Variants in APH1B observed in about 807,000 individuals in gnomAD.
The protein encoded by APH1B is gamma-secretase subunit APH-1B.
APH1B carries 27 observed loss-of-function variants against 28.2 expected under a neutral mutation model. That is an observed-to-expected ratio of 0.96 (90% CI 0.70 to 1.32). The LOEUF (loss-of-function observed/expected upper bound fraction) is 1.32, where lower values mean the gene tolerates loss of function less well. Ranked by LOEUF, APH1B falls within the 40% of genes most tolerant of loss-of-function variation. The pLI, the probability that APH1B is intolerant of heterozygous loss-of-function variation, is 0.00. For synonymous variants in APH1B, 141 were observed against 124.6 expected, an observed-to-expected ratio of 1.13 and a Z score of -0.88; for missense variants, 305 against 313.6, an observed-to-expected ratio of 0.97 and a Z score of 0.21.
intron 4 of APH1B, among the ~76,000 whole-genome samples, chr15:63,299,768 C>T (rs2038605233): frequency 6.6e-6 from 1 of 151,908 alleles, no homozygotes; most frequent in South Asian, 2.1e-4. Context: ...TCTCAGTGTC[C>T]CTGGTAAACA....
Position 63,304,862 on chromosome 15 carries a change from A to G in APH1B, c.607-752A>G, listed in dbSNP as rs899517132. 8.5e-5 allele frequency among the ~76,000 whole-genome samples: 13 copies of G among 152,244 alleles called. No individual in the cohort carries two copies. The highest frequency in any genetic ancestry group is 1.4e-4 in the African/African-American group (6 of 41,474). On this transcript the variant is annotated intron_variant, in intron 5 of 5. Transcript: ENST00000261879. The surrounding 1 kb of genome is among the most constrained non-coding windows in gnomAD (Gnocchi z 5.1). ...ATTATTGTGAAGAATAATCTAGAAA[A>G]TGCTCAATGCCTGCCATGCCCACGG...
chr15:63,280,270 C>T (rs1221961715), intron 2 of APH1B, among the ~76,000 whole-genome samples: 1 of 152,166 alleles, frequency 6.6e-6, no homozygotes, highest in Non-Finnish European at 1.5e-5. Context: ...TTCTCTAGGA[C>T]TCACGAGGAC....
At chr15:63,278,692 A>T (rs181221944) in intron 1 of APH1B, among the ~76,000 whole-genome samples, 37 of 152,342 alleles carry the variant, frequency 2.4e-4, no homozygotes, top group Non-Finnish European at 5.3e-4. Flanking sequence ...AGAGATGTAG[A>T]TATTTTTCTG....
intron 2 of APH1B, among the ~76,000 whole-genome samples, chr15:63,284,670 T>C (rs999880031): frequency 2.0e-5 from 3 of 152,226 alleles, no homozygotes; most frequent in Non-Finnish European, 2.9e-5. Context: ...TACCATCATA[T>C]GTGCAGTCCA....
In APH1B at chr15:63,279,226, T is replaced by C. The variant is rs765291902; in HGVS notation, c.179T>C (p.Ile60Thr). The stretch of plus-strand genomic sequence containing the variant: ...GTTTGGTTCATGGCAAGAGTCATTA[T>C]TGACAACAAAGATGGACCAACACAG... ...SLVWFMARVI[I>T]DNKDGPTQKY... The change falls in exon 2 of 6, where the codon ATT becomes ACT. Residue 60 changes from isoleucine (I) to threonine (T), a missense_variant. Physicochemically the swap from Ile to Thr is moderately conservative, Grantham distance 89. Transcript: ENST00000261879. 10 of 1,613,200 alleles carry C rather than the reference T, an allele frequency of 6.2e-6. No homozygotes were observed. Among genetic ancestry groups the C allele is most frequent in the South Asian group, 3.3e-5 (3 of 91,052 alleles).
At chr15:63,287,260 A>G (rs1473183550) in intron 3 of APH1B, 164 bp from the exon 4 acceptor site, 9 of 803,938 alleles carry the variant, frequency 1.1e-5, no homozygotes, top group Non-Finnish European at 1.7e-5. Context: ...TCTCTGATTC[A>G]TCATTTAGCC....
chr15:63,278,500 AC>A, intron 1 of APH1B: 2 of 372,742 alleles, frequency 5.4e-6, no homozygotes, highest in Non-Finnish European at 1.1e-5. Flanking sequence ...CCTCCCACAA[AC>A]GTATTGAAAG....
At chr15:63,280,378 A>C (rs1316380594) in intron 2 of APH1B, among the ~76,000 whole-genome samples, 1 of 152,196 alleles carries the variant, frequency 6.6e-6, no homozygotes, top group African/African-American at 2.4e-5. Flanking sequence ...AGTAAGTCTT[A>C]ATAGAGTGAT....
At position 63,286,614 on chromosome 15, in the gene APH1B, G is replaced by T. The variant is rs770117044; in HGVS notation, c.341G>T (p.Arg114Leu). 10 of 1,606,432 alleles carry T rather than the reference G, an allele frequency of 6.2e-6. No homozygotes were observed. The highest frequency in any genetic ancestry group is 8.5e-6 in the Non-Finnish European group (10 of 1,177,474). ...INPGETAPSMRLLAYVSGLGF... is the reference protein window; with the variant it reads ...INPGETAPSMLLLAYVSGLGF... Reference sequence around the variant, plus strand: ...CCAGGTGAGACAGCACCCTCTATGCGACTGCTGGCCTATGGTAAGTTAGAA... The same window carrying T: ...CCAGGTGAGACAGCACCCTCTATGCTACTGCTGGCCTATGGTAAGTTAGAA... The change falls in exon 3 of 6, where the codon CGA (arginine) becomes CTA (leucine). Residue 114 changes from arginine (R) to leucine (L), a missense_variant. Coordinates refer to ENST00000261879, the MANE Select transcript of APH1B (RefSeq NM_031301.4).
At chr15:63,295,216 C>A (rs1441612765) in intron 4 of APH1B, among the ~76,000 whole-genome samples, 1 of 152,176 alleles carries the variant, frequency 6.6e-6, no homozygotes, top group African/African-American at 2.4e-5. Context: ...AGGCTAGAGA[C>A]AAACATAGAA....
rs1369778294 is a variant in APH1B at position 63,307,065 on chromosome 15, G to T, written c.*1284G>T. On this transcript the variant is annotated 3_prime_UTR_variant, in exon 6 of 6. Transcript: ENST00000261879. ...GTTCCCAGTTGATGTCTTTTGGGGA[G>T]CTGGTGGCATGAAATGCAAATGACC... is the stretch of plus-strand genomic sequence containing the variant. 2 of 152,194 alleles carry T rather than the reference G, an allele frequency of 1.3e-5. No individual in the cohort carries two copies. The highest frequency in any genetic ancestry group is 4.8e-5 in the African/African-American group (2 of 41,432). 9.4% of individuals were successfully genotyped at this position (152,194 alleles called of 1,614,324 possible).
At chr15:63,302,626 C>T in intron 5 of APH1B, 154 bp downstream of exon 5, 2 of 1,000,910 alleles carry the variant, frequency 2.0e-6, no homozygotes, top group Non-Finnish European at 2.7e-6. Flanking sequence ...GTAAGTCTTA[C>T]CACAAAAAGA....
chr15:63,284,780 G>A (rs2038428768), intron 2 of APH1B, among the ~76,000 whole-genome samples: 1 of 152,112 alleles, frequency 6.6e-6, no homozygotes, highest in East Asian at 1.9e-4. Context: ...TGGGTAAATT[G>A]TGATCCTCTC....
At chr15:63,279,031 CTTTCT>C (rs2038356217) in intron 1 of APH1B, 125 bp from the exon 2 acceptor site, 1 of 743,468 alleles carries the variant, frequency 1.3e-6, no homozygotes, top group Non-Finnish European at 2.0e-6. Flanking sequence ...TTTATGAGGA[CTTTCT>C]TTTCCTTATT....
intron 4 of APH1B, among the ~76,000 whole-genome samples, chr15:63,290,245 A>G (rs1294845717): frequency 1.3e-5 from 2 of 152,302 alleles, no homozygotes; most frequent in Admixed American, 6.5e-5. Flanking sequence ...CATAGTTTAT[A>G]AATAATGTTT....
Position 63,305,884 on chromosome 15 carries a change from A to G in APH1B, c.*103A>G, listed in dbSNP as rs2038682963. ...CTTTTTCTGGTGGAATTGAGAAAGA[A>G]ATAAAACTATGCAGATATGCGTTCC... On this transcript the variant is annotated 3_prime_UTR_variant, in exon 6 of 6. Coordinates refer to ENST00000261879, the MANE Select transcript of APH1B (RefSeq NM_031301.4). 6.3e-6 allele frequency: 9 copies of G among 1,417,780 alleles called. No individual in the cohort carries two copies. Among genetic ancestry groups the G allele is most frequent in the Non-Finnish European group, 8.5e-6 (9 of 1,057,380 alleles). The allele number at this position is 1,417,780 out of a possible 1,614,324, so 87.8% of individuals were successfully genotyped here. A position where few individuals can be genotyped will look rare whatever the true frequency, so the allele number is the denominator to read the frequency against.
Position 63,299,838 on chromosome 15 carries a change from G to A in APH1B, c.479-2507G>A, listed in dbSNP as rs147987169. 4.9e-3 allele frequency among the ~76,000 whole-genome samples: 743 copies of A among 151,906 alleles called. 6 individuals are homozygous for A. Among genetic ancestry groups the A allele is most frequent in the African/African-American group, 0.017 (709 of 41,402 alleles). On this transcript the variant is annotated intron_variant, in intron 4 of 5. Coordinates refer to ENST00000261879, the MANE Select transcript of APH1B (RefSeq NM_031301.4). ...GAACATCCAATTGGAAAAGGCAATC[G>A]GGTTTTATTCCCTGGCCAGAAAACG... is the stretch of plus-strand genomic sequence containing the variant.
chr15:63,295,581 A>G (rs573878406), intron 4 of APH1B, among the ~76,000 whole-genome samples: 1 of 152,260 alleles, frequency 6.6e-6, no homozygotes, highest in South Asian at 2.1e-4. Flanking sequence ...CACTATTGAC[A>G]CCTGGGGCCA....
At chr15:63,292,629 A>G (rs1013531203) in intron 4 of APH1B, among the ~76,000 whole-genome samples, 13 of 152,066 alleles carry the variant, frequency 8.5e-5, no homozygotes, top group African/African-American at 3.1e-4. Flanking sequence ...GCCTCAAGCA[A>G]TCCTCCTGCC....
Sources: allele counts gnomAD v4.1 joint callset (sites outside exome capture counted in the v4.1 genomes callset), GRCh38; gene constraint gnomAD v4.1.1; non-coding constraint Gnocchi (gnomAD v3.1); transcripts MANE v1.5; gene names NCBI Gene and HGNC (gene_info 2026-07-23, HGNC 2026-07-21).